Variants in ASRGL1 observed in about 807,000 individuals in gnomAD.
The protein encoded by ASRGL1 is isoaspartyl peptidase/L-asparaginase.
In ASRGL1, 16 loss-of-function variants were observed where a neutral mutation model predicts 22.4. The observed-to-expected ratio is 0.71, with a 90% CI of 0.48 to 1.08. The LOEUF (loss-of-function observed/expected upper bound fraction) is 1.08, where lower values mean the gene tolerates loss of function less well. ASRGL1 is among the 50% of genes least tolerant of loss of function. The probability of loss-of-function intolerance (pLI) is 0.00; values close to 1 mark genes in which losing one functional copy is unlikely to be tolerated. For synonymous variants in ASRGL1, 165 were observed against 159.3 expected, an observed-to-expected ratio of 1.04 and a Z score of -0.27; for missense variants, 412 against 410.1, an observed-to-expected ratio of 1.00 and a Z score of -0.04.
intron 4 of ASRGL1, among the ~76,000 whole-genome samples, chr11:62,358,928 C>G (rs1348204523): frequency 6.6e-6 from 1 of 152,188 alleles, no homozygotes; most frequent in Non-Finnish European, 1.5e-5. Flanking sequence ...GAAATAGATT[C>G]TTGCATCACA....
intron 4 of ASRGL1, among the ~76,000 whole-genome samples, chr11:62,366,593 T>G (rs557562558): frequency 6.7e-6 from 1 of 150,048 alleles, no homozygotes; most frequent in East Asian, 2.0e-4. Flanking sequence ...TTTACAAATT[T>G]GCCTAGTTTT....
At chr11:62,373,704 G>A (rs1946837182) in intron 4 of ASRGL1, among the ~76,000 whole-genome samples, 2 of 152,224 alleles carry the variant, frequency 1.3e-5, no homozygotes, top group African/African-American at 4.8e-5. Context: ...CTTGCAGATC[G>A]GCCTAGGCCG....
At chr11:62,338,975 TTAAGA>T (rs1456344075) in intron 2 of ASRGL1, among the ~76,000 whole-genome samples, 2 of 148,870 alleles carry the variant, frequency 1.3e-5, no homozygotes, top group Non-Finnish European at 3.0e-5. Context: ...AATGTCTGCA[TTAAGA>T]TAAGAGGTTG....
intron 4 of ASRGL1, among the ~76,000 whole-genome samples, chr11:62,359,312 G>C (rs1038147947): frequency 4.6e-5 from 7 of 152,092 alleles, no homozygotes; most frequent in Non-Finnish European, 7.4e-5. Context: ...CAGGCATGGT[G>C]GTGGGCACCT....
At position 62,357,086 on chromosome 11, in the gene ASRGL1, A is replaced by G; in HGVS notation, c.433A>G (p.Lys145Glu). The change falls in exon 4 of 7, where the codon AAA becomes GAA. Residue 145 changes from lysine to glutamate, a missense_variant. Physicochemically the swap from Lys to Glu is moderately conservative, Grantham distance 56. Coordinates refer to ENST00000415229, the MANE Select transcript of ASRGL1 (RefSeq NM_001083926.2). ...PGEKLVTERN[K>E]KRLEKEKHEK... ...AGAAAAACTGGTGACAGAGAGAAAC[A>G]AAAAGCGCCTGGAAAAAGAGAAGCA... 1.2e-6 allele frequency: 2 copies of G among 1,614,182 alleles called. No homozygotes were observed. Among genetic ancestry groups the G allele is most frequent in the Non-Finnish European group, 1.7e-6 (2 of 1,180,028 alleles).
At chr11:62,351,961 C>T (rs932008837) in intron 2 of ASRGL1, among the ~76,000 whole-genome samples, 7 of 152,308 alleles carry the variant, frequency 4.6e-5, no homozygotes, top group African/African-American at 1.7e-4. Context: ...GCATGAGCCA[C>T]CTCACCCAGC....
intron 4 of ASRGL1, among the ~76,000 whole-genome samples, chr11:62,360,094 C>G (rs1204398341): frequency 7.3e-5 from 11 of 150,330 alleles, no homozygotes; most frequent in Non-Finnish European, 1.5e-5. Flanking sequence ...TGCAGTGGCA[C>G]GATCTCGGCT....
At chr11:62,374,713 A>G (rs1224058202) in intron 4 of ASRGL1, among the ~76,000 whole-genome samples, 2 of 152,138 alleles carry the variant, frequency 1.3e-5, no homozygotes, top group Non-Finnish European at 2.9e-5. Flanking sequence ...CCCTGTGGGA[A>G]GAGACTGGCC....
rs188822834 is a variant in ASRGL1 at position 62,378,540 on chromosome 11, A to G, written c.492-10593A>G. ...AATCCTGCTCCGCCAGAGGGATGGT[A>G]AAAAAGCAGTCCTTCAGATCAATTA... On this transcript the variant is annotated intron_variant, in intron 4 of 6. Coordinates refer to ENST00000415229, the MANE Select transcript of ASRGL1 (RefSeq NM_001083926.2). Among the ~76,000 whole-genome samples the G allele has an allele frequency of 7.9e-5, 12 of 152,280 alleles. No individual in the cohort carries two copies. In the East Asian group the frequency reaches 2.3e-3, roughly 29 times the overall value.
intron 4 of ASRGL1, among the ~76,000 whole-genome samples, chr11:62,363,160 C>T (rs1242489769): frequency 1.3e-5 from 2 of 151,610 alleles, no homozygotes; most frequent in Non-Finnish European, 2.9e-5. Context: ...GTCTCAATCT[C>T]CTGACCTGAT....
chr11:62,377,527 G>C (rs1195147193), intron 4 of ASRGL1, among the ~76,000 whole-genome samples: 1 of 152,110 alleles, frequency 6.6e-6, no homozygotes, highest in Non-Finnish European at 1.5e-5. Context: ...TCCATTGCTG[G>C]AACCATCAGT....
chr11:62,376,696 G>C (rs1946941208), intron 4 of ASRGL1, among the ~76,000 whole-genome samples: 1 of 152,044 alleles, frequency 6.6e-6, no homozygotes, highest in South Asian at 2.1e-4. Context: ...TGGTCTATTA[G>C]TTCTTTCAAC....
chr11:62,389,254 A>G lies in ASRGL1; in HGVS notation c.610+3A>G. ...CGTTGGGGACTCACCGTGTCTAGGT[A>G]GGACCAAGGGATGCCTCCTGCCCCT... is the stretch of plus-strand genomic sequence containing the variant. On this transcript the variant is annotated splice_donor_region_variant and intron_variant, in intron 5 of 6. Coordinates refer to ENST00000415229, the MANE Select transcript of ASRGL1 (RefSeq NM_001083926.2). 2 of 1,611,642 alleles carry G rather than the reference A, an allele frequency of 1.2e-6. No individual in the cohort carries two copies. The highest frequency in any genetic ancestry group is 4.5e-5 in the East Asian group (2 of 44,854).
chr11:62,380,804 G>A (rs1947047337), intron 4 of ASRGL1, among the ~76,000 whole-genome samples: 1 of 152,122 alleles, frequency 6.6e-6, no homozygotes, highest in Non-Finnish European at 1.5e-5. Context: ...GCCCCAACTA[G>A]GGTAGGCGCT....
intron 4 of ASRGL1, among the ~76,000 whole-genome samples, chr11:62,369,036 C>CGGGTGTCAGGCTG (rs1356209586): frequency 2.0e-5 from 3 of 152,132 alleles, no homozygotes; most frequent in Non-Finnish European, 4.4e-5. Flanking sequence ...AGACCCTTTA[C>CGGGTGTCAGGCTG]GGGTGTCAGG....
chr11:62,371,542 C>A (rs1160592900), intron 4 of ASRGL1: 3 of 705,246 alleles, frequency 4.3e-6, no homozygotes, highest in Admixed American at 3.7e-5. Flanking sequence ...ATTCTCTAAT[C>A]TCAAGTACCC....
At chr11:62,356,594 A>G (rs1031305254) in intron 3 of ASRGL1, 127 bp downstream of exon 3, 40 of 1,211,632 alleles carry the variant, frequency 3.3e-5, no homozygotes, top group Middle Eastern at 2.7e-4. Context: ...AACAGATGCA[A>G]TGTATTTGAG....
intron 4 of ASRGL1, among the ~76,000 whole-genome samples, chr11:62,384,521 A>G (rs1947156731): frequency 2.0e-5 from 3 of 152,270 alleles, no homozygotes; most frequent in African/African-American, 7.2e-5. Context: ...TTTAAAAAGT[A>G]GATTTTAGGT....
rs182746635 is a variant in ASRGL1, at chr11:62,362,507, A to G, written c.491+5363A>G. Among the ~76,000 whole-genome samples the G allele has an allele frequency of 4.2e-3, 222 of 53,422 alleles. 6 individuals are homozygous for G. The highest frequency in any genetic ancestry group is 0.016 in the African/African-American group (213 of 13,018). The allele number at this position is 53,422 out of a possible 152,430, so 35.0% of individuals were successfully genotyped here. On this transcript the variant is annotated intron_variant, in intron 4 of 6. Coordinates refer to ENST00000415229, the MANE Select transcript of ASRGL1 (RefSeq NM_001083926.2). ...ATATAATATATATTATATAAAATAT[A>G]TAACATATATTATTTATATAATATA...
Sources: gnomAD v4.1 joint callset for allele counts (sites outside exome capture counted in the v4.1 genomes callset) on GRCh38, gnomAD v4.1.1 for gene constraint, MANE v1.5 for transcripts, NCBI Gene and HGNC (gene_info 2026-07-23, HGNC 2026-07-21) for gene names.